The following FHOD3 variants were observed in gnomAD, a reference collection of about 807,000 sequenced individuals.
FHOD3 encodes FH1/FH2 domain-containing protein 3.
Under a neutral mutation model 173.0 loss-of-function variants are expected in FHOD3, and 90 were observed. The observed-to-expected ratio is 0.52, with a 90% CI of 0.44 to 0.62. The LOEUF (loss-of-function observed/expected upper bound fraction) is 0.62, where lower values mean the gene tolerates loss of function less well. Among genes scored for constraint, FHOD3 ranks in the 20% least tolerant of loss-of-function variants. The probability of loss-of-function intolerance (pLI) is 0.00; values close to 1 mark genes in which losing one functional copy is unlikely to be tolerated. For missense variants in FHOD3, 1,945 were observed against 2,034.7 expected, an observed-to-expected ratio of 0.96 and a Z score of 0.85; for synonymous variants, 828 against 823.0, an observed-to-expected ratio of 1.01 and a Z score of -0.10.
chr18:36,639,836 A>C (rs1043323756), intron 10 of FHOD3, among the ~76,000 whole-genome samples: 2 of 151,406 alleles, frequency 1.3e-5, no homozygotes, highest in Non-Finnish European at 2.9e-5. Flanking sequence ...TTTAAACACA[A>C]AGTCAAGGTA....
intron 8 of FHOD3, among the ~76,000 whole-genome samples, chr18:36,606,999 C>T (rs930470434): frequency 1.3e-5 from 2 of 152,340 alleles, no homozygotes; most frequent in African/African-American, 2.4e-5. Context: ...GCTCAGCCCA[C>T]GCTTCAGCTC....
intron 27 of FHOD3, among the ~76,000 whole-genome samples, chr18:36,767,507 A>G (rs1467850178): frequency 6.6e-6 from 1 of 152,052 alleles, no homozygotes. Flanking sequence ...TTTAGTAGAG[A>G]TGGGGTTTCA....
chr18:36,320,966 A>T (rs992842983), intron 1 of FHOD3, among the ~76,000 whole-genome samples: 16 of 152,110 alleles, frequency 1.1e-4, no homozygotes, highest in African/African-American at 3.9e-4. Flanking sequence ...CTGTGTTGGG[A>T]GGTAACCAGT....
At chr18:36,443,373 C>T (rs1568278368) in intron 3 of FHOD3, among the ~76,000 whole-genome samples, 1 of 152,186 alleles carries the variant, frequency 6.6e-6, no homozygotes, top group Non-Finnish European at 1.5e-5. Context: ...TCAGTATGAA[C>T]TCATGGATAT....
chr18:36,636,473 A>G (rs576870722), intron 10 of FHOD3, among the ~76,000 whole-genome samples: 86 of 152,342 alleles, frequency 5.6e-4, no homozygotes, highest in Non-Finnish European at 1.0e-3. Context: ...TGAAGAGGCC[A>G]AAGAAAGCCT....
intron 9 of FHOD3, among the ~76,000 whole-genome samples, chr18:36,622,352 A>T (rs1477674070): frequency 3.3e-5 from 5 of 152,234 alleles, no homozygotes; most frequent in Non-Finnish European, 7.3e-5. Context: ...ACTACAATAA[A>T]TAAAAAGAAA....
chr18:36,386,941 C>G (rs2048063660), intron 3 of FHOD3, among the ~76,000 whole-genome samples: 1 of 152,176 alleles, frequency 6.6e-6, no homozygotes, highest in Non-Finnish European at 1.5e-5. Context: ...CTTCTGATGT[C>G]ACCTCCAAAT....
intron 3 of FHOD3, among the ~76,000 whole-genome samples, chr18:36,461,504 C>T (rs1269320247): frequency 2.6e-5 from 4 of 151,270 alleles, no homozygotes; most frequent in Non-Finnish European, 4.4e-5. Flanking sequence ...TCTTTGCCCT[C>T]ATGGTTGACA....
chr18:36,634,882 C>T (rs1002599375), intron 10 of FHOD3, among the ~76,000 whole-genome samples: 15 of 152,080 alleles, frequency 9.9e-5, no homozygotes, highest in African/African-American at 3.1e-4. Flanking sequence ...TTTGTGCACC[C>T]GCATAAACAT....
intron 9 of FHOD3, 96 bp downstream of exon 9, chr18:36,612,191 G>A (rs1317290275): frequency 7.6e-7 from 1 of 1,311,360 alleles, no homozygotes; most frequent in Non-Finnish European, 1.0e-6. Flanking sequence ...AAGCGTATGA[G>A]CACCACCAGC....
intron 5 of FHOD3, among the ~76,000 whole-genome samples, chr18:36,569,204 C>T (rs766535772): frequency 2.6e-5 from 4 of 151,874 alleles, no homozygotes; most frequent in Non-Finnish European, 5.9e-5. Context: ...ATAAATGAAA[C>T]AAGACCCAAC....
chr18:36,504,038 C>T lies in FHOD3; in HGVS notation c.405+2039C>T, dbSNP rs116191095. 5.9e-3 allele frequency among the ~76,000 whole-genome samples: 903 copies of T among 152,262 alleles called. 6 individuals are homozygous for T. The highest frequency in any genetic ancestry group is 0.02 in the African/African-American group (820 of 41,548). ...TTTCCAGGTTCAAGTGATTCTCCTG[C>T]CCCAGCCTCCTAATTGAGATTACAG... On this transcript the variant is annotated intron_variant, in intron 4 of 28. Transcript: ENST00000590592.
At chr18:36,415,148 A>G (rs1698397725) in intron 3 of FHOD3, among the ~76,000 whole-genome samples, 2 of 152,140 alleles carry the variant, frequency 1.3e-5, no homozygotes, top group Admixed American at 6.5e-5. Context: ...TTTTTCATGG[A>G]CAGTGCAGGC....
chr18:36,310,422 A>T (rs2092224501), intron 1 of FHOD3, among the ~76,000 whole-genome samples: 1 of 152,138 alleles, frequency 6.6e-6, no homozygotes, highest in Non-Finnish European at 1.5e-5. Context: ...GCAGTGGCTT[A>T]TACCTGTAAT....
intron 14 of FHOD3, among the ~76,000 whole-genome samples, chr18:36,677,919 T>G (rs1372760293): frequency 2.0e-5 from 3 of 152,224 alleles, no homozygotes; most frequent in Non-Finnish European, 4.4e-5. Context: ...ATAAAGGTCT[T>G]TCATATTATT....
chr18:36,767,517 A>G (rs969511076), intron 27 of FHOD3, among the ~76,000 whole-genome samples: 18 of 152,060 alleles, frequency 1.2e-4, no homozygotes, highest in Admixed American at 3.9e-4. Flanking sequence ...ATGGGGTTTC[A>G]CTGTGTTGGC....
At chr18:36,513,302 C>T (rs371469687) in intron 5 of FHOD3, among the ~76,000 whole-genome samples, 67 of 152,122 alleles carry the variant, frequency 4.4e-4, no homozygotes, top group African/African-American at 1.4e-3. Context: ...TTTATATCGT[C>T]CAATATTATC....
intron 5 of FHOD3, among the ~76,000 whole-genome samples, chr18:36,542,163 G>A (rs1333685462): frequency 6.6e-6 from 1 of 152,210 alleles, no homozygotes; most frequent in Non-Finnish European, 1.5e-5. Flanking sequence ...GCTCTTTGGA[G>A]AGTGAGTACC....
chr18:36,432,668 TGTGCTTGAGCTCATGG>T (rs758540821), intron 3 of FHOD3, among the ~76,000 whole-genome samples: 5 of 152,208 alleles, frequency 3.3e-5, no homozygotes, highest in Non-Finnish European at 5.9e-5. Flanking sequence ...GGACCAAGAC[TGTGCTTGAGCTCATGG>T]GTCACTGTCA....
Sources: allele counts gnomAD v4.1 joint callset (sites outside exome capture counted in the v4.1 genomes callset), GRCh38; gene constraint gnomAD v4.1.1; transcripts MANE v1.5; gene names NCBI Gene and HGNC (gene_info 2026-07-23, HGNC 2026-07-21).